The following PILRA variants were observed in gnomAD, a reference collection of about 807,000 sequenced individuals.
PILRA encodes paired immunoglobulin-like type 2 receptor alpha.
In PILRA, 37 loss-of-function variants were observed where a neutral mutation model predicts 33.1. That is an observed-to-expected ratio of 1.12 (90% confidence interval 0.86 to 1.47). The LOEUF (loss-of-function observed/expected upper bound fraction) is 1.47. Among genes scored for constraint, PILRA ranks in the 40% most tolerant of loss-of-function variants. PILRA has a pLI of 0.00. For synonymous variants in PILRA, 146 were observed against 149.9 expected, an observed-to-expected ratio of 0.97 and a Z score of 0.19; for missense variants, 312 against 376.2, an observed-to-expected ratio of 0.83 and a Z score of 1.41.
chr7:100,376,761 CTTTTT>C (rs34944697), intron 2 of PILRA, among the ~76,000 whole-genome samples: 3 of 75,040 alleles, frequency 4.0e-5, no homozygotes, highest in Admixed American at 1.6e-4. Flanking sequence ...CTTGCTCTGC[CTTTTT>C]TTTTTTTTTT....
Position 100,373,487 on chromosome 7 carries a change from A to C in PILRA, c.-170A>C. ...CAGATGGATAAAGGAAGTGCTGGTCACCCTGGAGGTGCACTGGTTTGGGGA... is the reference window on the plus strand; with the variant it reads ...CAGATGGATAAAGGAAGTGCTGGTCCCCCTGGAGGTGCACTGGTTTGGGGA... On this transcript the variant is annotated 5_prime_UTR_variant, in exon 1 of 7. Transcript: ENST00000198536. 1.4e-6 allele frequency: 1 copy of C among 694,014 alleles called. No homozygotes were observed. The highest frequency in any genetic ancestry group is 2.5e-5 in the East Asian group (1 of 39,402). The allele number at this position is 694,014 out of a possible 1,614,324, so 43.0% of individuals were successfully genotyped here.
In PILRA at chr7:100,399,630, G is replaced by A. The variant is rs749394706; in HGVS notation, c.789+18G>A. 9.3e-6 allele frequency: 15 copies of A among 1,613,912 alleles called. No individual in the cohort carries two copies. The highest frequency in any genetic ancestry group is 3.3e-4 in the Middle Eastern group (2 of 6,082). ...ATCCCAAGGTAAGCAATCAGACCAG[G>A]GCCTGAAGGAATTAAAGAGAAGCCT... On this transcript the variant is annotated intron_variant, in intron 6 of 6. Transcript: ENST00000198536.
intron 2 of PILRA, among the ~76,000 whole-genome samples, chr7:100,381,461 A>T (rs1791091424): frequency 6.6e-6 from 1 of 151,720 alleles, no homozygotes; most frequent in Non-Finnish European, 1.5e-5. Flanking sequence ...AAAAAAAAAA[A>T]AAAAATTAAA....
intron 2 of PILRA, among the ~76,000 whole-genome samples, chr7:100,382,019 C>T (rs1791115099): frequency 6.7e-6 from 1 of 148,484 alleles, no homozygotes; most frequent in Non-Finnish European, 1.5e-5. Context: ...CCCCACCCCA[C>T]CCCCGTAGGC....
intron 2 of PILRA, among the ~76,000 whole-genome samples, chr7:100,385,032 C>A (rs1197046757): frequency 1.3e-5 from 2 of 152,126 alleles, no homozygotes; most frequent in African/African-American, 4.8e-5. Context: ...TGCTGAAAAG[C>A]TGAGTCAGAT....
chr7:100,397,439 A>G (rs900094938), intron 3 of PILRA, among the ~76,000 whole-genome samples: 5 of 151,976 alleles, frequency 3.3e-5, no homozygotes, highest in African/African-American at 1.2e-4. Context: ...CCCAAGCACG[A>G]CGCTCCCAAG....
chr7:100,383,322 C>T (rs1563118405), intron 2 of PILRA, among the ~76,000 whole-genome samples: 1 of 152,126 alleles, frequency 6.6e-6, no homozygotes, highest in Non-Finnish European at 1.5e-5. Context: ...CCCGAGCCCA[C>T]AGATGGGGTC....
At chr7:100,386,514 A>G (rs1409765486) in intron 2 of PILRA, among the ~76,000 whole-genome samples, 1 of 151,812 alleles carries the variant, frequency 6.6e-6, no homozygotes, top group African/African-American at 2.4e-5. Context: ...AAAAAAAAAC[A>G]AAACACAAAA....
chr7:100,385,546 C>T (rs896134150), intron 2 of PILRA, among the ~76,000 whole-genome samples: 4 of 152,186 alleles, frequency 2.6e-5, no homozygotes, highest in African/African-American at 9.6e-5. Context: ...TACTATGCTG[C>T]TCTAGAAATT....
At chr7:100,375,399 G>C (rs1790921737) in intron 2 of PILRA, among the ~76,000 whole-genome samples, 1 of 152,198 alleles carries the variant, frequency 6.6e-6, no homozygotes, top group South Asian at 2.1e-4. Flanking sequence ...CTATATATCT[G>C]TGCCCAACAT....
intron 2 of PILRA, among the ~76,000 whole-genome samples, chr7:100,380,639 A>T (rs192832370): frequency 1.3e-5 from 2 of 151,996 alleles, no homozygotes; most frequent in East Asian, 3.9e-4. Flanking sequence ...ACATAGCAAG[A>T]CTCTGTCTCT....
In PILRA at chr7:100,373,517, T is replaced by C. The variant is rs1790863521; in HGVS notation, c.-140T>C. On this transcript the variant is annotated 5_prime_UTR_variant, in exon 1 of 7. Coordinates refer to ENST00000198536, the MANE Select transcript of PILRA (RefSeq NM_013439.3). ...GGAGGTGCACTGGTTTGGGGAAGGCTCCTGGCCCCCACAGCCCTCTTCGGA... is the reference window on the plus strand; with the variant it reads ...GGAGGTGCACTGGTTTGGGGAAGGCCCCTGGCCCCCACAGCCCTCTTCGGA... 1.1e-5 allele frequency: 10 copies of C among 891,830 alleles called. No homozygotes were observed. Among genetic ancestry groups the C allele is most frequent in the Non-Finnish European group, 1.8e-5 (10 of 547,672 alleles). The allele number at this position is 891,830 out of a possible 1,614,324, so 55.2% of individuals were successfully genotyped here.
chr7:100,388,010 A>G (rs1213494661), intron 2 of PILRA, among the ~76,000 whole-genome samples: 2 of 152,096 alleles, frequency 1.3e-5, no homozygotes, highest in Non-Finnish European at 2.9e-5. Flanking sequence ...ATTTCTTCCC[A>G]TTTTAAGTAA....
At chr7:100,399,153 G>C in intron 4 of PILRA, 138 bp from the exon 5 acceptor site, 1 of 606,024 alleles carries the variant, frequency 1.7e-6, no homozygotes, top group South Asian at 1.9e-5. Context: ...TGTCCAGGCT[G>C]GTCTTGTACT....
In PILRA at chr7:100,400,051, C is replaced by T; in HGVS notation, c.*144C>T. 1 of 653,854 alleles carries T rather than the reference C, an allele frequency of 1.5e-6. No homozygotes were observed. Among genetic ancestry groups the T allele is most frequent in the Non-Finnish European group, 2.4e-6 (1 of 423,360 alleles). 40.5% of individuals were successfully genotyped at this position (653,854 alleles called of 1,614,324 possible). A position where few individuals can be genotyped will look rare whatever the true frequency, so the allele number is the denominator to read the frequency against. On this transcript the variant is annotated 3_prime_UTR_variant, in exon 7 of 7. Transcript: ENST00000198536. The stretch of plus-strand genomic sequence containing the variant: ...CTTTGATAATGGAGCGAGATGCCAT[C>T]TCTAGTTAAAAATATATATTAACAA...
chr7:100,379,317 T>C (rs1411108185), intron 2 of PILRA, among the ~76,000 whole-genome samples: 1 of 151,534 alleles, frequency 6.6e-6, no homozygotes, highest in Non-Finnish European at 1.5e-5. Flanking sequence ...GAGGTGGCAG[T>C]TGCAGTGAGC....
At chr7:100,390,652 G>C (rs1791372490) in intron 3 of PILRA, among the ~76,000 whole-genome samples, 1 of 152,176 alleles carries the variant, frequency 6.6e-6, no homozygotes, top group Admixed American at 6.5e-5. Context: ...AGAAGGAGAG[G>C]TAATCAGAGA....
chr7:100,373,392 G>A (rs948831608), upstream of PILRA: 25 of 572,376 alleles, frequency 4.4e-5, no homozygotes, highest in Admixed American at 4.3e-4. Flanking sequence ...GACGGGGACC[G>A]CGGCCTTTGG....
intron 2 of PILRA, among the ~76,000 whole-genome samples, chr7:100,383,824 A>T (rs774663586): frequency 6.6e-6 from 1 of 151,908 alleles, no homozygotes; most frequent in Non-Finnish European, 1.5e-5. Flanking sequence ...TTTAGTAGAG[A>T]CAGGGTTTCA....
Sources: gnomAD v4.1 joint callset for allele counts (sites outside exome capture counted in the v4.1 genomes callset) on GRCh38, gnomAD v4.1.1 for gene constraint, MANE v1.5 for transcripts, NCBI Gene and HGNC (gene_info 2026-07-23, HGNC 2026-07-21) for gene names.